Variants in SLC6A19 observed in about 807,000 individuals in gnomAD.
SLC6A19 encodes the protein sodium-dependent neutral amino acid transporter B(0)AT1.
SLC6A19 carries 67 observed loss-of-function variants against 68.3 expected under a neutral mutation model. The observed-to-expected ratio is 0.98, with a 90% CI of 0.81 to 1.20. The LOEUF (loss-of-function observed/expected upper bound fraction) is 1.20, where lower values mean the gene tolerates loss of function less well. Among genes scored for constraint, SLC6A19 ranks in the 50% most tolerant of loss-of-function variants. The probability of loss-of-function intolerance (pLI) is 0.00; values close to 1 mark genes in which losing one functional copy is unlikely to be tolerated. For missense variants in SLC6A19, 813 were observed against 851.6 expected (o/e 0.95, Z 0.56); for synonymous variants, 392 against 374.9 (o/e 1.05, Z -0.53).
At position 1,204,922 on chromosome 5, in the gene SLC6A19, G is replaced by A. The variant is rs77787145; in HGVS notation, c.202+3070G>A. ...CACCACCTGCTGGAGAGAGAAAAAA[G>A]GGGAAGCTTAGTCCCTGCGTGAGAA... is the stretch of plus-strand genomic sequence containing the variant. On this transcript the variant is annotated intron_variant, in intron 1 of 11. Transcript: ENST00000304460. 2.0e-3 allele frequency among the ~76,000 whole-genome samples: 111 copies of A among 56,046 alleles called. No homozygotes were observed. The East Asian group carries it at 0.035, about 18-fold the overall frequency. 36.8% of individuals were successfully genotyped at this position (56,046 alleles called of 152,430 possible).
intron 1 of SLC6A19, among the ~76,000 whole-genome samples, chr5:1,207,900 G>A (rs1745900791): frequency 6.6e-6 from 1 of 152,200 alleles, no homozygotes; most frequent in African/African-American, 2.4e-5. Flanking sequence ...ATTAGCCCCA[G>A]AATGATAGCT....
intron 1 of SLC6A19, among the ~76,000 whole-genome samples, chr5:1,205,173 G>T (rs1745819485): frequency 6.6e-6 from 1 of 152,312 alleles, no homozygotes; most frequent in African/African-American, 2.4e-5. Context: ...CAGGCGCCCT[G>T]CAGGGCCCCA....
chr5:1,213,395 C>T lies in SLC6A19; in HGVS notation c.664-68C>T, dbSNP rs77928413. On this transcript the variant is annotated intron_variant, in intron 4 of 11. Transcript: ENST00000304460. ...CCCGCCCCCATATGCCCCGCCCCCA[C>T]GTGCCGCCCCCACCGCATGCCTGGC... is the stretch of plus-strand genomic sequence containing the variant. The T allele has an allele frequency of 0.37, 143,761 of 385,582 alleles. 39,757 individuals are homozygous for T. Among genetic ancestry groups the T allele is most frequent in the Non-Finnish European group, 0.43 (92,329 of 214,344 alleles). 23.9% of individuals were successfully genotyped at this position (385,582 alleles called of 1,614,324 possible).
intron 10 of SLC6A19, 133 bp downstream of exon 10, chr5:1,219,797 A>C: frequency 8.0e-7 from 1 of 1,250,530 alleles, no homozygotes; most frequent in Non-Finnish European, 1.1e-6. Context: ...GGCCGGCCAC[A>C]GAGGCTGGTG....
chr5:1,208,793 C>A lies in SLC6A19; in HGVS notation c.250C>A (p.Pro84Thr). The change falls in exon 2 of 12, where the codon CCC (proline) becomes ACC (threonine). Residue 84 changes from proline to threonine, a missense_variant. Transcript: ENST00000304460. The part of the protein sequence containing the change: ...FLILLVLEGI[P>T]LLYLEFAIGQ... ...CATCCTGCTGGTCCTGGAGGGCATC[C>A]CCCTGCTGTACCTGGAGTTCGCCAT... 6.2e-7 allele frequency: 1 copy of A among 1,613,394 alleles called. No individual in the cohort carries two copies. Among genetic ancestry groups the A allele is most frequent in the Admixed American group, 1.7e-5 (1 of 60,030 alleles).
chr5:1,221,977 G>A lies in SLC6A19; in HGVS notation c.*73G>A. 2 of 1,542,630 alleles carry A rather than the reference G, an allele frequency of 1.3e-6. No individual in the cohort carries two copies. The highest frequency in any genetic ancestry group is 1.8e-6 in the Non-Finnish European group (2 of 1,129,198). Reference sequence around the variant, plus strand: ...AACCAGCAAGACCTGTGGGGTGGGGGCCGGGCTGCACCTGCATGTGTGTAA... The same window carrying A: ...AACCAGCAAGACCTGTGGGGTGGGGACCGGGCTGCACCTGCATGTGTGTAA... On this transcript the variant is annotated 3_prime_UTR_variant, in exon 12 of 12. Coordinates refer to ENST00000304460, the MANE Select transcript of SLC6A19 (RefSeq NM_001003841.3).
At position 1,218,691 on chromosome 5, in the gene SLC6A19, G is replaced by T. The variant is rs966791667; in HGVS notation, c.1174-212G>T. Among the ~76,000 whole-genome samples, 6 of 152,324 alleles carry T rather than the reference G, an allele frequency of 3.9e-5. No individual in the cohort carries two copies. In the East Asian group the frequency reaches 7.7e-4, roughly 20 times the overall value. On this transcript the variant is annotated intron_variant, in intron 8 of 11. Transcript: ENST00000304460. ...TGGGCGGAACGGGGCTCTGAGTGCC[G>T]CTTGGTGATGGGATCCACGTGCTGG...
In SLC6A19 at chr5:1,210,589, C is replaced by T; in HGVS notation, c.481+8C>T. 3.1e-6 allele frequency: 5 copies of T among 1,612,244 alleles called. No individual in the cohort carries two copies. Among genetic ancestry groups the T allele is most frequent in the Non-Finnish European group, 4.2e-6 (5 of 1,179,992 alleles). On this transcript the variant is annotated splice_region_variant and intron_variant, in intron 3 of 11. Transcript: ENST00000304460. Reference sequence around the variant, plus strand: ...TCAACGAGAACCAGACAGGTGAGTCCTTGCAAGCAGCCCCATCCGTCTCAC... The same window carrying T: ...TCAACGAGAACCAGACAGGTGAGTCTTTGCAAGCAGCCCCATCCGTCTCAC...
In SLC6A19 at chr5:1,201,729, G is replaced by A; in HGVS notation, c.79G>A (p.Glu27Lys). The part of the protein sequence containing the change: ...SLAELETIEQ[E>K]EASSRPKWDN... ...GGCTGAGCTGGAGACCATCGAGCAG[G>A]AGGAGGCCAGCTCCCGGCCGAAGTG... is the stretch of plus-strand genomic sequence containing the variant. Residue 27 changes from glutamate to lysine, a missense_variant, in exon 1 of 12, where the codon GAG becomes AAG. By Grantham distance (56) the Glu-to-Lys change is moderately conservative (BLOSUM62 1). Coordinates refer to ENST00000304460, the MANE Select transcript of SLC6A19 (RefSeq NM_001003841.3). The A allele has an allele frequency of 2.5e-6, 4 of 1,612,576 alleles. No individual in the cohort carries two copies. The highest frequency in any genetic ancestry group is 2.5e-6 in the Non-Finnish European group (3 of 1,179,890).
intron 1 of SLC6A19, among the ~76,000 whole-genome samples, chr5:1,202,081 T>C (rs962530619): frequency 6.6e-6 from 1 of 152,074 alleles, no homozygotes; most frequent in Non-Finnish European, 1.5e-5. Context: ...AGACTTCGTG[T>C]GGGGCTCCAG....
intron 8 of SLC6A19, among the ~76,000 whole-genome samples, chr5:1,218,511 G>C (rs956664763): frequency 1.3e-5 from 2 of 152,186 alleles, no homozygotes; most frequent in African/African-American, 4.8e-5. Context: ...GCTCTAACCC[G>C]GCCGTTGGCC....
intron 3 of SLC6A19, among the ~76,000 whole-genome samples, chr5:1,210,970 C>T (rs1230045571): frequency 1.3e-5 from 2 of 152,198 alleles, no homozygotes; most frequent in African/African-American, 4.8e-5. Flanking sequence ...CTGTCCTGCC[C>T]ATGTGGGGCC....
chr5:1,208,138 G>A, intron 1 of SLC6A19, among the ~76,000 whole-genome samples: 1 of 152,078 alleles, frequency 6.6e-6, no homozygotes, highest in East Asian at 1.9e-4. Flanking sequence ...CCAGCACCTG[G>A]GCTCAGGTCC....
chr5:1,219,736 G>T, intron 10 of SLC6A19, 72 bp downstream of exon 10: 2 of 1,591,840 alleles, frequency 1.3e-6, no homozygotes, highest in Admixed American at 1.7e-5. Flanking sequence ...TGTGAGGGAG[G>T]ACCCGGGCTG....
intron 2 of SLC6A19, 58 bp downstream of exon 2, chr5:1,208,944 T>C (rs1579510392): frequency 6.4e-7 from 1 of 1,571,372 alleles, no homozygotes; most frequent in East Asian, 2.3e-5. Context: ...TGGGAAGCCG[T>C]TCCACCCGGG....
intron 10 of SLC6A19, among the ~76,000 whole-genome samples, chr5:1,220,825 G>T (rs1277063484): frequency 6.6e-6 from 1 of 152,216 alleles, no homozygotes; most frequent in African/African-American, 2.4e-5. Flanking sequence ...AGAGGCTGGG[G>T]GTGTCTGGCG....
At chr5:1,213,178 C>A (rs1389389751) in intron 4 of SLC6A19, among the ~76,000 whole-genome samples, 1 of 120,506 alleles carries the variant, frequency 8.3e-6, no homozygotes, top group Admixed American at 8.0e-5. Context: ...CCCACATACC[C>A]GGACTCCACA....
intron 1 of SLC6A19, 21 bp downstream of exon 1, chr5:1,201,873 T>G (rs924732755): frequency 6.2e-7 from 1 of 1,603,350 alleles, no homozygotes; most frequent in Admixed American, 1.7e-5. Context: ...CGGGCGGGGC[T>G]GCGGGCGAGG....
chr5:1,221,154 C>T lies in SLC6A19; in HGVS notation c.1542C>T (p.Phe514=). ...SVVYVYGVDR[F]NKDIEFMIGH... ...CAGCTGTCTCTGGCCTTGGCAGGTT[C>T]AATAAGGACATCGAGTTCATGATCG... Residue 514 remains phenylalanine, a synonymous_variant, in exon 11 of 12, where the codon TTC becomes TTT. Coordinates refer to ENST00000304460, the MANE Select transcript of SLC6A19 (RefSeq NM_001003841.3). The T allele has an allele frequency of 1.9e-6, 3 of 1,613,474 alleles. No individual in the cohort carries two copies. Among genetic ancestry groups the T allele is most frequent in the Non-Finnish European group, 2.5e-6 (3 of 1,179,794 alleles).
Sources: gnomAD v4.1 joint callset for allele counts (sites outside exome capture counted in the v4.1 genomes callset) on GRCh38, gnomAD v4.1.1 for gene constraint, MANE v1.5 for transcripts, NCBI Gene and HGNC (gene_info 2026-07-23, HGNC 2026-07-21) for gene names.